The following LIN54 variants were observed in gnomAD, a reference collection of about 807,000 sequenced individuals.
LIN54 encodes lin-54 DREAM MuvB core complex component.
A neutral mutation model predicts 78.7 loss-of-function variants in LIN54; 9 were observed. The observed-to-expected ratio is 0.11, with a 90% confidence interval of 0.07 to 0.20. LIN54 has a LOEUF of 0.20. Among genes scored for constraint, LIN54 ranks in the 10% least tolerant of loss-of-function variants. The pLI is 1.00. For missense variants in LIN54, 573 were observed against 889.9 expected, an observed-to-expected ratio of 0.64 and a Z score of 4.53; for synonymous variants, 269 against 318.4, an observed-to-expected ratio of 0.84 and a Z score of 1.65.
At chr4:82,961,548 G>A (rs554970299) in intron 4 of LIN54, among the ~76,000 whole-genome samples, 1 of 152,240 alleles carries the variant, frequency 6.6e-6, no homozygotes, top group Admixed American at 6.5e-5. Context: ...TTCTCCACTG[G>A]GTAGGAGAGC....
intron 4 of LIN54, among the ~76,000 whole-genome samples, chr4:82,961,967 A>G (rs1724837022): frequency 6.6e-6 from 1 of 152,078 alleles, no homozygotes; most frequent in African/African-American, 2.4e-5. Flanking sequence ...AAAAAAAAAA[A>G]AAAGAAAAAA....
intron 1 of LIN54, among the ~76,000 whole-genome samples, chr4:82,992,984 C>T (rs1426910047): frequency 1.6e-4 from 24 of 148,902 alleles, no homozygotes; most frequent in Middle Eastern, 3.4e-3. Flanking sequence ...GCTGAGATCA[C>T]GCCACTGCAC....
intron 4 of LIN54, among the ~76,000 whole-genome samples, chr4:82,969,462 A>C (rs1725470395): frequency 1.3e-5 from 2 of 152,222 alleles, no homozygotes; most frequent in African/African-American, 4.8e-5. Flanking sequence ...AATTCATTCA[A>C]TTTAGGGAAA....
intron 1 of LIN54, among the ~76,000 whole-genome samples, chr4:82,994,363 G>A (rs776666470): frequency 3.3e-5 from 5 of 151,442 alleles, no homozygotes; most frequent in South Asian, 2.1e-4. Flanking sequence ...CTCAGTATAC[G>A]GTCTCTCTTG....
chr4:82,942,428 T>C (rs1423644705), intron 5 of LIN54, among the ~76,000 whole-genome samples: 1 of 152,210 alleles, frequency 6.6e-6, no homozygotes, highest in Non-Finnish European at 1.5e-5. Flanking sequence ...AAGGTTGTTA[T>C]ACAAAAAGAG....
At chr4:82,932,813 GA>G (rs889916170) in intron 11 of LIN54, among the ~76,000 whole-genome samples, 1 of 152,040 alleles carries the variant, frequency 6.6e-6, no homozygotes, top group African/African-American at 2.4e-5. Context: ...CAATAAGAAT[GA>G]AACACCATCT....
chr4:83,001,706 G>T (rs947827738), intron 1 of LIN54, among the ~76,000 whole-genome samples: 6 of 149,494 alleles, frequency 4.0e-5, no homozygotes, highest in Admixed American at 1.3e-4. Flanking sequence ...AAATTAGCTG[G>T]GCGTGGTGGC....
intron 5 of LIN54, among the ~76,000 whole-genome samples, chr4:82,945,032 T>C (rs1461743409): frequency 1.3e-5 from 2 of 152,198 alleles, no homozygotes; most frequent in Non-Finnish European, 2.9e-5. Context: ...CAGCTAATTT[T>C]TGTATTTTTA....
chr4:82,997,542 T>G (rs1045675359), intron 1 of LIN54, among the ~76,000 whole-genome samples: 6 of 152,022 alleles, frequency 3.9e-5, no homozygotes, highest in African/African-American at 1.4e-4. Context: ...TCAAAGAGCC[T>G]AGAAATAAAT....
In LIN54 at chr4:82,931,009, T is replaced by A; in HGVS notation, c.1982A>T (p.Lys661Met). 1 of 1,614,210 alleles carries A rather than the reference T, an allele frequency of 6.2e-7. No homozygotes were observed. Among genetic ancestry groups the A allele is most frequent in the Non-Finnish European group, 8.5e-7 (1 of 1,180,036 alleles). Reference sequence around the variant, plus strand: ...CAAGTCTGAAATTTGAGAGGATAACTTCGTCTTGGCTGCTGTTTGTTGCTG... The same window carrying A: ...CAAGTCTGAAATTTGAGAGGATAACATCGTCTTGGCTGCTGTTTGTTGCTG... The part of the protein sequence containing the change: ...RVQQQTAAKT[K>M]LSSQISDLLT... The change falls in exon 12 of 13, where the codon AAG becomes ATG. Residue 661 changes from lysine (K) to methionine (M), a missense_variant. Physicochemically the swap from Lys to Met is moderately conservative, Grantham distance 95. This residue lies in a region of LIN54 where 82 missense variants were observed against 140.8 expected (regional missense o/e 0.58). Coordinates refer to ENST00000340417, the MANE Select transcript of LIN54 (RefSeq NM_194282.4).
intron 1 of LIN54, among the ~76,000 whole-genome samples, chr4:83,005,393 T>A (rs1729263015): frequency 6.6e-6 from 1 of 151,984 alleles, no homozygotes; most frequent in Admixed American, 6.6e-5. Context: ...ATCCCAACAC[T>A]TTGGAGAACT....
At chr4:82,955,297 G>A (rs1032320173) in intron 4 of LIN54, among the ~76,000 whole-genome samples, 2 of 152,042 alleles carry the variant, frequency 1.3e-5, no homozygotes, top group Non-Finnish European at 2.9e-5. Context: ...CTGGGAGGTG[G>A]AGGTTGCAAT....
chr4:83,006,019 AT>A (rs1198748394), intron 1 of LIN54, among the ~76,000 whole-genome samples: 2 of 152,240 alleles, frequency 1.3e-5, no homozygotes, highest in African/African-American at 4.8e-5. Context: ...TCCTAAGCAA[AT>A]TAACACAGAA....
intron 1 of LIN54, among the ~76,000 whole-genome samples, chr4:82,992,480 G>A (rs1578632075): frequency 6.6e-6 from 1 of 152,058 alleles, no homozygotes; most frequent in Non-Finnish European, 1.5e-5. Flanking sequence ...TTTGAGACCA[G>A]TCGGGACAAC....
chr4:82,962,346 T>G (rs1177691838), intron 4 of LIN54, among the ~76,000 whole-genome samples: 1 of 152,210 alleles, frequency 6.6e-6, no homozygotes, highest in Non-Finnish European at 1.5e-5. Flanking sequence ...TGACCTGGAT[T>G]CACTCTTTGC....
chr4:82,951,286 C>G (rs558584664), intron 4 of LIN54, among the ~76,000 whole-genome samples: 2 of 152,106 alleles, frequency 1.3e-5, no homozygotes, highest in Non-Finnish European at 2.9e-5. Context: ...TGAAATATTA[C>G]AAAAGAGGTA....
intron 1 of LIN54, among the ~76,000 whole-genome samples, chr4:83,001,933 A>G (rs7676698): frequency 0.022 from 47 of 2,146 alleles, 17 homozygotes; most frequent in African/African-American, 0.041. Flanking sequence ...GAGGGAGGGA[A>G]GGAAGGAAGG....
intron 9 of LIN54, among the ~76,000 whole-genome samples, chr4:82,936,991 T>C (rs900633817): frequency 2.0e-5 from 3 of 152,236 alleles, no homozygotes; most frequent in African/African-American, 7.2e-5. Flanking sequence ...CATGCTGCTA[T>C]GTCCCTAACC....
intron 4 of LIN54, among the ~76,000 whole-genome samples, chr4:82,969,328 A>C (rs562440947): frequency 6.6e-6 from 1 of 152,318 alleles, no homozygotes; most frequent in East Asian, 1.9e-4. Context: ...TCTGTAGGAC[A>C]ATTTTTAATG....
Sources: allele counts gnomAD v4.1 joint callset (sites outside exome capture counted in the v4.1 genomes callset), GRCh38; gene constraint gnomAD v4.1.1; regional missense constraint gnomAD v4.1.1; transcripts MANE v1.5; gene names NCBI Gene and HGNC (gene_info 2026-07-23, HGNC 2026-07-21).